The following CCL23 variants were observed in gnomAD, a reference collection of about 807,000 sequenced individuals.
The protein encoded by CCL23 is C-C motif chemokine 23.
A neutral mutation model predicts 11.8 loss-of-function variants in CCL23; 10 were observed. That is an observed-to-expected ratio of 0.84 (90% confidence interval 0.52 to 1.43). The LOEUF is 1.43. Ranked by LOEUF, CCL23 falls within the 40% of genes most tolerant of loss-of-function variation. CCL23 has a pLI of 0.00. For synonymous variants in CCL23, 60 were observed against 61.0 expected (o/e 0.98, Z 0.07); for missense variants, 181 against 170.9 (o/e 1.06, Z -0.33).
chr17:36,014,342 A>C lies in CCL23; in HGVS notation c.128T>G (p.Leu43Arg). 1 of 1,611,812 alleles carries C rather than the reference A, an allele frequency of 6.2e-7. No homozygotes were observed. The highest frequency in any genetic ancestry group is 8.5e-7 in the Non-Finnish European group (1 of 1,177,800). ...CGTATCTGATCACTTACTGTCCAGA[A>C]GTACTGGATTTTCCAATGGAAGCTT... ...MSKLPLENPVLLDMLWRRKIG... is the reference protein window; with the variant it reads ...MSKLPLENPVRLDMLWRRKIG... Residue 43 changes from leucine to arginine, a missense_variant, in exon 2 of 4, where the codon CTT becomes CGT. Transcript: ENST00000615050.
At chr17:36,016,563 C>T (rs993759165) in intron 1 of CCL23, among the ~76,000 whole-genome samples, 2 of 152,002 alleles carry the variant, frequency 1.3e-5, no homozygotes, top group Non-Finnish European at 2.9e-5. Context: ...TGTCTTTATC[C>T]AGTCTATCAT....
In CCL23 at chr17:36,013,266, A is replaced by G. The variant is rs1265655407; in HGVS notation, c.345T>C (p.Ser115=). ...TCATGCAAACCTGAACTTGCTTATCACTGGGGTTGGCACAGAAACGTCGCC... is the reference window on the plus strand; with the variant it reads ...TCATGCAAACCTGAACTTGCTTATCGCTGGGGTTGGCACAGAAACGTCGCC... The part of the protein sequence containing the change: ...KKGRRFCANP[S]DKQVQVCMRM... Residue 115 remains serine, a synonymous_variant, in exon 4 of 4, where the codon AGT becomes AGC. Transcript: ENST00000615050. 1 of 1,613,854 alleles carries G rather than the reference A, an allele frequency of 6.2e-7. No homozygotes were observed. The highest frequency in any genetic ancestry group is 8.5e-7 in the Non-Finnish European group (1 of 1,179,874).
At chr17:36,014,112 C>A (rs1466775209) in intron 2 of CCL23, among the ~76,000 whole-genome samples, 1 of 152,304 alleles carries the variant, frequency 6.6e-6, no homozygotes, top group African/African-American at 2.4e-5. Flanking sequence ...CAGAGAGCAC[C>A]TTCTGCCCCA....
intron 1 of CCL23, among the ~76,000 whole-genome samples, 157 bp downstream of exon 1, chr17:36,017,665 T>G (rs1203269372): frequency 1.3e-5 from 2 of 152,196 alleles, no homozygotes; most frequent in African/African-American, 2.4e-5. Context: ...GTCCAAAGCC[T>G]GCAGACAGAA....
Position 36,013,284 on chromosome 17 carries a change from A to G in CCL23, c.327T>C (p.Arg109=), listed in dbSNP as rs2090071160. 1 of 1,613,562 alleles carries G rather than the reference A, an allele frequency of 6.2e-7. No individual in the cohort carries two copies. The highest frequency in any genetic ancestry group is 8.5e-7 in the Non-Finnish European group (1 of 1,179,672). Residue 109 remains arginine (R), a synonymous_variant, in exon 4 of 4, where the codon CGT becomes CGC. Coordinates refer to ENST00000615050, the MANE Select transcript of CCL23 (RefSeq NM_005064.6). The stretch of plus-strand genomic sequence containing the variant: ...GCTTATCACTGGGGTTGGCACAGAA[A>G]CGTCGCCCCTTCTTGGTGAGGAAGC... ...GVIFLTKKGR[R]FCANPSDKQV...
intron 3 of CCL23, 190 bp downstream of exon 3, chr17:36,013,554 T>A: frequency 4.7e-6 from 3 of 635,432 alleles, no homozygotes; most frequent in Middle Eastern, 4.2e-4. Flanking sequence ...TCTTCTTCCT[T>A]CCCCACCCTT....
At chr17:36,014,466 A>T (rs2090083306) in intron 1 of CCL23, 73 bp from the exon 2 acceptor site, 2 of 1,183,686 alleles carry the variant, frequency 1.7e-6, no homozygotes, top group Non-Finnish European at 2.5e-6. Context: ...CACCCACCCC[A>T]TTGCTCATCC....
intron 1 of CCL23, among the ~76,000 whole-genome samples, chr17:36,015,045 G>T (rs1311551418): frequency 3.3e-5 from 5 of 151,978 alleles, no homozygotes; most frequent in African/African-American, 1.2e-4. Context: ...AAATAACTAT[G>T]CAGTTTTCAC....
At chr17:36,016,294 G>C (rs1360841467) in intron 1 of CCL23, among the ~76,000 whole-genome samples, 1 of 152,030 alleles carries the variant, frequency 6.6e-6, no homozygotes, top group Non-Finnish European at 1.5e-5. Flanking sequence ...GCATGCACCA[G>C]GTATTTGTCC....
In CCL23 at chr17:36,013,150, C is replaced by A; in HGVS notation, c.*47G>T. 8.9e-7 allele frequency: 1 copy of A among 1,117,442 alleles called. No homozygotes were observed. The highest frequency in any genetic ancestry group is 1.2e-5 in the South Asian group (1 of 80,592). 69.2% of individuals were successfully genotyped at this position (1,117,442 alleles called of 1,614,324 possible). On this transcript the variant is annotated 3_prime_UTR_variant, in exon 4 of 4. Transcript: ENST00000615050. ...AAATAATTCAGGAAGGTAGTTGAGG[C>A]AAGAAAGTTGGTGGCTGGCAACTTG...
Position 36,013,768 on chromosome 17 carries a change from C to T in CCL23, c.278G>A (p.Ser93Asn), listed in dbSNP as rs1227918392. ...CATGACACCCGGCTTGGAGCACTCG[C>T]TGTTCGTTTCAAAGTAACTCTCCAG... is the stretch of plus-strand genomic sequence containing the variant. Reference protein sequence around the residue: ...SLLESYFETNSECSKPGVIFL... With the variant: ...SLLESYFETNNECSKPGVIFL... The change falls in exon 3 of 4, where the codon AGC (serine) becomes AAC (asparagine). Residue 93 changes from serine to asparagine, a missense_variant. Ser to Asn is a conservative substitution (Grantham distance 46). Transcript: ENST00000615050. 2 of 1,614,076 alleles carry T rather than the reference C, an allele frequency of 1.2e-6. No individual in the cohort carries two copies. Among genetic ancestry groups the T allele is most frequent in the African/African-American group, 2.7e-5 (2 of 74,934 alleles).
intron 3 of CCL23, 118 bp from the exon 4 acceptor site, chr17:36,013,426 T>C: frequency 3.0e-6 from 2 of 665,316 alleles, no homozygotes; most frequent in Admixed American, 5.6e-5. Flanking sequence ...TTTTTTTTCT[T>C]TTTTTTTTCA....
At chr17:36,013,424 CTT>C in intron 3 of CCL23, 116 bp from the exon 4 acceptor site, 4 of 586,958 alleles carry the variant, frequency 6.8e-6, no homozygotes, top group Admixed American at 3.1e-5. Flanking sequence ...GTTTTTTTTT[CTT>C]TTTTTTTTCA....
At chr17:36,015,239 A>C (rs1453825508) in intron 1 of CCL23, among the ~76,000 whole-genome samples, 2 of 152,210 alleles carry the variant, frequency 1.3e-5, no homozygotes, top group East Asian at 3.8e-4. Context: ...TTCACTTAGC[A>C]TAATGTCCTT....
intron 1 of CCL23, among the ~76,000 whole-genome samples, chr17:36,014,665 T>C (rs1447373663): frequency 6.6e-6 from 1 of 152,184 alleles, no homozygotes; most frequent in Non-Finnish European, 1.5e-5. Flanking sequence ...CATGGTTCAG[T>C]TAATGGAATG....
At chr17:36,016,469 C>T (rs901653361) in intron 1 of CCL23, among the ~76,000 whole-genome samples, 9 of 152,062 alleles carry the variant, frequency 5.9e-5, no homozygotes, top group African/African-American at 2.2e-4. Flanking sequence ...TGATGGTTTC[C>T]GGCTTTATCC....
intron 1 of CCL23, among the ~76,000 whole-genome samples, chr17:36,017,480 C>T (rs2090106123): frequency 6.6e-6 from 1 of 152,140 alleles, no homozygotes; most frequent in Admixed American, 6.5e-5. Context: ...ACAGTTTTAG[C>T]ATCATACAAT....
intron 1 of CCL23, among the ~76,000 whole-genome samples, chr17:36,016,013 C>T (rs965764633): frequency 6.6e-6 from 1 of 151,764 alleles, no homozygotes. Flanking sequence ...CACTGTACTC[C>T]AGCCTGGGCC....
chr17:36,015,238 C>T (rs2142025570), intron 1 of CCL23, among the ~76,000 whole-genome samples: 1 of 152,280 alleles, frequency 6.6e-6, no homozygotes, highest in South Asian at 2.1e-4. Context: ...TTTCACTTAG[C>T]ATAATGTCCT....
Sources: allele counts gnomAD v4.1 joint callset (sites outside exome capture counted in the v4.1 genomes callset), GRCh38; gene constraint gnomAD v4.1.1; transcripts MANE v1.5; gene names NCBI Gene and HGNC (gene_info 2026-07-23, HGNC 2026-07-21).